Variants in EXTL3 observed in about 807,000 individuals in gnomAD.
EXTL3 encodes the protein exostosin like glycosyltransferase 3.
EXTL3 carries 27 observed loss-of-function variants against 69.3 expected under a neutral mutation model. The observed-to-expected ratio is 0.39, with a 90% CI of 0.29 to 0.54. The LOEUF is 0.54. Among genes scored for constraint, EXTL3 ranks in the 20% least tolerant of loss-of-function variants. EXTL3 has a pLI of 0.69. For synonymous variants in EXTL3, 511 were observed against 499.4 expected, an observed-to-expected ratio of 1.02 and a Z score of -0.31; for missense variants, 1,003 against 1,231.8, an observed-to-expected ratio of 0.81 and a Z score of 2.78.
upstream of EXTL3, among the ~76,000 whole-genome samples, chr8:28,622,577 C>T (rs1585217933): frequency 4.7e-5 from 1 of 21,262 alleles, no homozygotes; most frequent in Admixed American, 6.9e-4. Context: ...CGTTAGGGGG[C>T]GGGGCCGGGA....
intron 1 of EXTL3, among the ~76,000 whole-genome samples, chr8:28,678,740 G>A (rs1487784158): frequency 1.3e-5 from 2 of 152,166 alleles, no homozygotes; most frequent in East Asian, 3.8e-4. Context: ...CAATACTGTG[G>A]AGAAGAGAAA....
chr8:28,613,058 T>C (rs559718113), intron 2 of EXTL3, among the ~76,000 whole-genome samples: 4 of 152,326 alleles, frequency 2.6e-5, no homozygotes, highest in South Asian at 2.1e-4. Context: ...AATTTGCTAA[T>C]AATTTGTTGA....
intron 1 of EXTL3, among the ~76,000 whole-genome samples, chr8:28,629,236 T>G (rs1806537862): frequency 6.9e-6 from 1 of 145,338 alleles, no homozygotes; most frequent in South Asian, 2.2e-4. Flanking sequence ...GACAAAGATG[T>G]GCTCTGGCTT....
chr8:28,629,258 A>G (rs1806538023), intron 1 of EXTL3, among the ~76,000 whole-genome samples: 3 of 151,032 alleles, frequency 2.0e-5, no homozygotes, highest in African/African-American at 7.3e-5. Flanking sequence ...CTTTTCAAGC[A>G]GAAAACAAAC....
chr8:28,702,391 C>T (rs991008597), intron 1 of EXTL3, among the ~76,000 whole-genome samples: 6 of 152,198 alleles, frequency 3.9e-5, no homozygotes, highest in African/African-American at 1.4e-4. Context: ...CCGAGCCCAG[C>T]GACGGGGACA....
At chr8:28,708,933 G>C (rs984707101) in intron 1 of EXTL3, among the ~76,000 whole-genome samples, 2 of 152,144 alleles carry the variant, frequency 1.3e-5, no homozygotes, top group South Asian at 2.1e-4. Context: ...TTGGTTTTGG[G>C]TTTTAGAGGA....
chr8:28,622,552 A>G (rs1197633534), upstream of EXTL3, among the ~76,000 whole-genome samples: 2 of 35,924 alleles, frequency 5.6e-5, no homozygotes, highest in Non-Finnish European at 1.1e-4. Context: ...GCCGACGCGG[A>G]GGCGGTGGGC....
intron 1 of EXTL3, among the ~76,000 whole-genome samples, chr8:28,625,089 C>T (rs1160053536): frequency 6.6e-6 from 1 of 152,224 alleles, no homozygotes; most frequent in Non-Finnish European, 1.5e-5. Context: ...CCCGCAGTTA[C>T]AGACCGGCAC....
intron 1 of EXTL3, among the ~76,000 whole-genome samples, chr8:28,634,541 G>T (rs1806621639): frequency 6.6e-6 from 1 of 151,432 alleles, no homozygotes. Context: ...TCTTCCGGGA[G>T]GCCCTTCCTG....
At chr8:28,718,328 C>T in intron 3 of EXTL3, 121 bp downstream of exon 3, 1 of 965,400 alleles carries the variant, frequency 1.0e-6, no homozygotes, top group Admixed American at 2.0e-5. Context: ...CATGCATACT[C>T]ATGAAAAACC....
intron 1 of EXTL3, among the ~76,000 whole-genome samples, chr8:28,695,522 G>A (rs1472860781): frequency 6.6e-6 from 1 of 152,174 alleles, no homozygotes. Context: ...TCTCTGGTGG[G>A]TTTGTTTGTT....
At chr8:28,724,791 C>A (rs1426674489) in intron 3 of EXTL3, among the ~76,000 whole-genome samples, 1 of 152,106 alleles carries the variant, frequency 6.6e-6, no homozygotes, top group East Asian at 1.9e-4. Flanking sequence ...CAGGGCAAGA[C>A]TCCATCTCAA....
Position 28,645,867 on chromosome 8 carries a change from T to C in EXTL3, c.-53+23057T>C, listed in dbSNP as rs546698101. Reference sequence around the variant, plus strand: ...TTAAAGTTATTCTCTTATTGATTGATTGATTGATTGATCGAGACAGGGTCT... The same window carrying C: ...TTAAAGTTATTCTCTTATTGATTGACTGATTGATTGATCGAGACAGGGTCT... On this transcript the variant is annotated intron_variant, in intron 1 of 6. Transcript: ENST00000523149. Among the ~76,000 whole-genome samples, 11 of 151,494 alleles carry C rather than the reference T, an allele frequency of 7.3e-5. No homozygotes were observed. In the South Asian group the frequency reaches 2.1e-3, roughly 29 times the overall value.
intron 1 of EXTL3, among the ~76,000 whole-genome samples, chr8:28,626,545 T>G (rs955679943): frequency 6.6e-6 from 1 of 152,194 alleles, no homozygotes; most frequent in African/African-American, 2.4e-5. Flanking sequence ...TTCATTTGGT[T>G]TTTGTAACCA....
rs927902268 is a variant in EXTL3 at position 28,750,635 on chromosome 8, T to C, written c.2551-22T>C. On this transcript the variant is annotated intron_variant, in intron 6 of 6. Transcript: ENST00000220562. This position sits in a 1 kb window ranked among gnomAD's most constrained non-coding sequence, Gnocchi z 5.2. ...TCAGTATTAGCTGGGATTCCCACTCTGTCTCTCTCTCCCGTTTCCAGGTGA... is the reference window on the plus strand; with the variant it reads ...TCAGTATTAGCTGGGATTCCCACTCCGTCTCTCTCTCCCGTTTCCAGGTGA... 2.5e-6 allele frequency: 4 copies of C among 1,601,488 alleles called. No homozygotes were observed. Among genetic ancestry groups the C allele is most frequent in the Admixed American group, 1.7e-5 (1 of 59,990 alleles).
chr8:28,724,748 C>T (rs1801374721), intron 3 of EXTL3, among the ~76,000 whole-genome samples: 1 of 152,208 alleles, frequency 6.6e-6, no homozygotes, highest in East Asian at 1.9e-4. Context: ...TGCAGTGAGC[C>T]GAGATCGTGC....
At chr8:28,691,572 A>ATTTTTTTTGTTTTTTTTTTTTTTTTTTT (rs1800612904) in intron 1 of EXTL3, among the ~76,000 whole-genome samples, 1 of 135,494 alleles carries the variant, frequency 7.4e-6, no homozygotes, top group Non-Finnish European at 1.5e-5. Context: ...AGTTTTTGTG[A>ATTTTTTTTGTTTTTTTTTTTTTTTTTTT]TTTTTTTTTT....
intron 1 of EXTL3, chr8:28,685,929 A>G (rs1323137839): frequency 6.6e-6 from 1 of 151,860 alleles, no homozygotes; most frequent in African/African-American, 2.4e-5. Flanking sequence ...CAGTGGCACC[A>G]TCTCGCCTCA....
At chr8:28,651,539 A>G (rs1452381855) in intron 1 of EXTL3, among the ~76,000 whole-genome samples, 1 of 152,034 alleles carries the variant, frequency 6.6e-6, no homozygotes, top group Non-Finnish European at 1.5e-5. Flanking sequence ...TGCCCAGGCT[A>G]ATCTCAAACT....
Sources: allele counts gnomAD v4.1 joint callset (sites outside exome capture counted in the v4.1 genomes callset), GRCh38; gene constraint gnomAD v4.1.1; non-coding constraint Gnocchi (gnomAD v3.1); transcripts MANE v1.5; gene names NCBI Gene and HGNC (gene_info 2026-07-23, HGNC 2026-07-21).